Variants in GPR158 observed in about 807,000 individuals in gnomAD.
The protein encoded by GPR158 is G protein-coupled receptor 158.
In GPR158, 30 loss-of-function variants were observed where a neutral mutation model predicts 78.2. The ratio of observed to expected loss-of-function variants is 0.38; its 90% CI spans 0.29 to 0.52. The LOEUF (loss-of-function observed/expected upper bound fraction) is 0.52, where lower values mean the gene tolerates loss of function less well. Among genes scored for constraint, GPR158 ranks in the 20% least tolerant of loss-of-function variants. The pLI is 0.83. For synonymous variants in GPR158, 581 were observed against 591.1 expected, an observed-to-expected ratio of 0.98 and a Z score of 0.25; for missense variants, 1,463 against 1,523.5, an observed-to-expected ratio of 0.96 and a Z score of 0.66.
chr10:25,488,395 T>A (rs1835761301), intron 5 of GPR158, among the ~76,000 whole-genome samples: 1 of 152,198 alleles, frequency 6.6e-6, no homozygotes, highest in South Asian at 2.1e-4. Context: ...GAGAATTACG[T>A]GTATTGTGAA....
intron 4 of GPR158, among the ~76,000 whole-genome samples, chr10:25,412,899 T>G (rs1275988341): frequency 2.0e-5 from 3 of 152,234 alleles, no homozygotes; most frequent in Non-Finnish European, 4.4e-5. Context: ...CGCATTATAC[T>G]TTGAAGAATG....
At chr10:25,250,802 G>A (rs1418952075) in intron 2 of GPR158, among the ~76,000 whole-genome samples, 1 of 149,298 alleles carries the variant, frequency 6.7e-6, no homozygotes, top group Non-Finnish European at 1.5e-5. Flanking sequence ...GATTTGGGGT[G>A]GAGAGTTCTG....
In GPR158 at chr10:25,372,599, A is replaced by G. The variant is rs980872268; in HGVS notation, c.1009-23312A>G. Among the ~76,000 whole-genome samples the G allele has an allele frequency of 1.4e-4, 20 of 147,060 alleles. No individual in the cohort carries two copies. In the South Asian group the frequency reaches 3.5e-3, roughly 26 times the overall value. ...TGGAAATCACCATTCTCAGTAAACT[A>G]TCGCAAGAACAAAAAACCAAACACC... On this transcript the variant is annotated intron_variant, in intron 2 of 10. Coordinates refer to ENST00000376351, the MANE Select transcript of GPR158 (RefSeq NM_020752.3).
intron 2 of GPR158, among the ~76,000 whole-genome samples, chr10:25,388,279 G>A (rs994754411): frequency 5.3e-5 from 8 of 152,208 alleles, no homozygotes; most frequent in Non-Finnish European, 7.3e-5. Context: ...AGGTGAGAGC[G>A]GTGGCAGCAG....
intron 1 of GPR158, among the ~76,000 whole-genome samples, chr10:25,195,009 T>C (rs1852825298): frequency 6.6e-6 from 1 of 152,156 alleles, no homozygotes; most frequent in Non-Finnish European, 1.5e-5. Flanking sequence ...AATCGGATCC[T>C]GCCATTTTAA....
At chr10:25,389,397 C>G (rs1353228012) in intron 2 of GPR158, among the ~76,000 whole-genome samples, 6 of 152,116 alleles carry the variant, frequency 3.9e-5, no homozygotes, top group African/African-American at 1.4e-4. Context: ...CTGCTGAGAG[C>G]TCGACAGTCA....
At chr10:25,204,818 G>GTTTT (rs1159106958) in intron 1 of GPR158, among the ~76,000 whole-genome samples, 4,675 of 118,670 alleles carry the variant, frequency 0.039, 337 homozygotes, top group African/African-American at 0.14. Context: ...GTCTCTGAGG[G>GTTTT]TTTTTTTTTT....
At chr10:25,593,318 A>G (rs548099438) in intron 8 of GPR158, among the ~76,000 whole-genome samples, 1 of 152,156 alleles carries the variant, frequency 6.6e-6, no homozygotes, top group South Asian at 2.1e-4. Context: ...GGTAGAATGA[A>G]GATATAAAAA....
At chr10:25,188,204 C>T (rs964227487) in intron 1 of GPR158, among the ~76,000 whole-genome samples, 3 of 152,164 alleles carry the variant, frequency 2.0e-5, no homozygotes, top group African/African-American at 7.2e-5. Context: ...AATGGCCATA[C>T]TGCCCCAGGT....
At chr10:25,182,353 T>G (rs899129531) in intron 1 of GPR158, among the ~76,000 whole-genome samples, 3 of 152,212 alleles carry the variant, frequency 2.0e-5, no homozygotes, top group Non-Finnish European at 4.4e-5. Context: ...CTCGAGAGAA[T>G]ACATGTTTCG....
intron 1 of GPR158, among the ~76,000 whole-genome samples, chr10:25,211,226 T>C (rs920690360): frequency 1.1e-4 from 16 of 152,190 alleles, no homozygotes; most frequent in African/African-American, 3.4e-4. Context: ...TTTTGGGTTT[T>C]GTTTGTTGTC....
In GPR158 at chr10:25,175,984, A is replaced by G; in HGVS notation, c.564A>G (p.Pro188=). 6.2e-7 allele frequency: 1 copy of G among 1,613,194 alleles called. No homozygotes were observed. The highest frequency in any genetic ancestry group is 2.2e-5 in the East Asian group (1 of 44,816). ...CCGATTCGCTGTCCGCACCGGCCCC[A>G]CAGGTCTTCCTCCAGGCCACGCGCG... ...FSTDSLSAPA[P]QVFLQATREE... Residue 188 remains proline (P), a synonymous_variant, in exon 1 of 11, where the codon CCA becomes CCG. Coordinates refer to ENST00000376351, the MANE Select transcript of GPR158 (RefSeq NM_020752.3). The surrounding 1 kb of genome is among the most constrained non-coding windows in gnomAD (Gnocchi z 6.4).
intron 2 of GPR158, among the ~76,000 whole-genome samples, chr10:25,394,469 T>C (rs925270605): frequency 1.3e-5 from 2 of 152,262 alleles, no homozygotes; most frequent in African/African-American, 4.8e-5. Context: ...ACCTATTGTA[T>C]AACTGGAGCT....
At chr10:25,323,044 A>G (rs58968345) in intron 2 of GPR158, among the ~76,000 whole-genome samples, 10,753 of 151,974 alleles carry the variant, frequency 0.071, 681 homozygotes, top group African/African-American at 0.16. Context: ...ATGGGGTTTC[A>G]CTATGTTAGC....
intron 1 of GPR158, among the ~76,000 whole-genome samples, chr10:25,189,050 C>T (rs1400238230): frequency 6.6e-6 from 1 of 152,138 alleles, no homozygotes; most frequent in Non-Finnish European, 1.5e-5. Context: ...TCATCACTGG[C>T]CACCAGAGAA....
intron 2 of GPR158, among the ~76,000 whole-genome samples, chr10:25,370,739 C>G (rs531908265): frequency 1.3e-5 from 2 of 150,990 alleles, no homozygotes; most frequent in African/African-American, 4.9e-5. Flanking sequence ...CTTTCTGTCT[C>G]GTTGATCTGT....
chr10:25,526,069 T>C lies in GPR158; in HGVS notation c.1405-24907T>C, dbSNP rs1462479598. On this transcript the variant is annotated intron_variant, in intron 5 of 10. Coordinates refer to ENST00000376351, the MANE Select transcript of GPR158 (RefSeq NM_020752.3). ...TGTAGTGAGCCAAGATCGTTGCCAC[T>C]GCACTCCAGCCTGGGCGACAGTCCA... 5.4e-5 allele frequency among the ~76,000 whole-genome samples: 7 copies of C among 129,346 alleles called. No homozygotes were observed. In the Admixed American group the frequency reaches 6.7e-4, roughly 12 times the overall value. 84.9% of individuals were successfully genotyped at this position (129,346 alleles called of 152,430 possible). A position where few individuals can be genotyped will look rare whatever the true frequency, so the allele number is the denominator to read the frequency against.
At chr10:25,385,335 T>TTATA (rs756023308) in intron 2 of GPR158, among the ~76,000 whole-genome samples, 7 of 151,104 alleles carry the variant, frequency 4.6e-5, no homozygotes, top group Admixed American at 2.6e-4. Flanking sequence ...TCCATTATTT[T>TTATA]TATATATCAC....
chr10:25,195,486 A>G (rs1424673787), intron 1 of GPR158, among the ~76,000 whole-genome samples: 1 of 152,190 alleles, frequency 6.6e-6, no homozygotes, highest in Admixed American at 6.5e-5. Flanking sequence ...GATTACAGCC[A>G]TAAGCCACCA....
Sources: allele counts gnomAD v4.1 joint callset (sites outside exome capture counted in the v4.1 genomes callset), GRCh38; gene constraint gnomAD v4.1.1; non-coding constraint Gnocchi (gnomAD v3.1); transcripts MANE v1.5; gene names NCBI Gene and HGNC (gene_info 2026-07-23, HGNC 2026-07-21).